ARB2A: variants seen among roughly 807,000 people sequenced by gnomAD.
ARB2A encodes ARB2 cotranscriptional regulator A, also known as cotranscriptional regulator ARB2A.
At chr5:93,844,542 A>G in the ARB2A span, among the ~76,000 whole-genome samples, 1 of 152,232 alleles carries the variant, frequency 6.6e-6, no homozygotes, top group African/African-American at 2.4e-5. Context: ...GCAGAAAGTA[A>G]AAAAATTTGT....
At chr5:93,887,580 A>C in the ARB2A span, among the ~76,000 whole-genome samples, 6 of 151,912 alleles carry the variant, frequency 3.9e-5, no homozygotes, top group South Asian at 2.1e-4. Context: ...CAAACAAAAA[A>C]CTTACAATAA....
At chr5:93,891,444 T>C in the ARB2A span, among the ~76,000 whole-genome samples, 1 of 152,042 alleles carries the variant, frequency 6.6e-6, no homozygotes, top group African/African-American at 2.4e-5. Context: ...AAAGACCATC[T>C]TCCAGGCTCC....
chr5:94,042,314 CTTTTT>C, the ARB2A span, among the ~76,000 whole-genome samples: 5 of 103,066 alleles, frequency 4.9e-5, no homozygotes, highest in Non-Finnish European at 7.7e-5. Context: ...AAAAGATCAG[CTTTTT>C]TTTTTTTTTT....
At chr5:93,662,840 A>G in the ARB2A span, among the ~76,000 whole-genome samples, 1 of 152,232 alleles carries the variant, frequency 6.6e-6, no homozygotes, top group African/African-American at 2.4e-5. Context: ...AAAATAGCTG[A>G]GACTGAGTAA....
chr5:93,890,431 T>C, the ARB2A span, among the ~76,000 whole-genome samples: 1 of 151,802 alleles, frequency 6.6e-6, no homozygotes, highest in Non-Finnish European at 1.5e-5. Flanking sequence ...TAATCTATCA[T>C]GGGCAAAAAT....
chr5:93,640,076 A>AT, the ARB2A span, among the ~76,000 whole-genome samples: 1 of 151,428 alleles, frequency 6.6e-6, no homozygotes, highest in Admixed American at 6.6e-5. Context: ...AAAAAAAAAA[A>AT]AAAAAAAAAA....
the ARB2A span, among the ~76,000 whole-genome samples, chr5:93,872,442 AT>A: frequency 6.6e-6 from 1 of 152,144 alleles, no homozygotes; most frequent in Non-Finnish European, 1.5e-5. Context: ...ACCATATCAT[AT>A]TTATGACAGA....
chr5:93,716,214 T>TATAA, the ARB2A span, among the ~76,000 whole-genome samples: 1 of 152,206 alleles, frequency 6.6e-6, no homozygotes, highest in Non-Finnish European at 1.5e-5. Context: ...ATTAGCCACG[T>TATAA]ATAAATCTTG....
the ARB2A span, among the ~76,000 whole-genome samples, chr5:93,957,706 A>G: frequency 1.3e-5 from 2 of 152,086 alleles, no homozygotes; most frequent in South Asian, 4.1e-4. Context: ...AAATCTATTA[A>G]CCAAAATGTT....
chr5:94,105,322 T>A, the ARB2A span, among the ~76,000 whole-genome samples: 1 of 151,898 alleles, frequency 6.6e-6, no homozygotes, highest in Non-Finnish European at 1.5e-5. Context: ...GTCAAAAAAA[T>A]CAGTAGCATT....
chr5:94,028,199 A>G, the ARB2A span, among the ~76,000 whole-genome samples: 2 of 152,194 alleles, frequency 1.3e-5, no homozygotes, highest in African/African-American at 2.4e-5. Flanking sequence ...CTACAAACAC[A>G]ACCCTGAGAA....
the ARB2A span, among the ~76,000 whole-genome samples, chr5:93,676,680 T>C: frequency 6.6e-6 from 1 of 152,188 alleles, no homozygotes; most frequent in Non-Finnish European, 1.5e-5. Flanking sequence ...TTTTCAACTC[T>C]CTAGTTCACA....
At chr5:93,868,156 C>T in the ARB2A span, among the ~76,000 whole-genome samples, 1 of 151,890 alleles carries the variant, frequency 6.6e-6, no homozygotes, top group Non-Finnish European at 1.5e-5. Flanking sequence ...TTCATCTATA[C>T]AAAAAATAAA....
the ARB2A span, among the ~76,000 whole-genome samples, chr5:94,088,452 G>A: frequency 3.3e-5 from 5 of 152,242 alleles, no homozygotes; most frequent in East Asian, 7.7e-4. Context: ...AGGCCAAGGC[G>A]GGAGGATTGC....
the ARB2A span, chr5:93,619,961 T>C: frequency 2.2e-4 from 33 of 152,284 alleles, no homozygotes; most frequent in African/African-American, 7.7e-4. Flanking sequence ...AAAGGTTTCG[T>C]TTCCTGATGA....
chr5:93,866,149 T>C, the ARB2A span: 65 of 985,456 alleles, frequency 6.6e-5, no homozygotes, highest in South Asian at 1.3e-3. Context: ...CAATCTTCAA[T>C]TGGCCTTTCT....
At chr5:93,622,025 T>A in the ARB2A span, among the ~76,000 whole-genome samples, 2 of 152,250 alleles carry the variant, frequency 1.3e-5, no homozygotes, top group African/African-American at 4.8e-5. Flanking sequence ...GTACAGCATG[T>A]TTTCAAATCA....
At chr5:93,794,415 T>C in the ARB2A span, among the ~76,000 whole-genome samples, 5 of 152,174 alleles carry the variant, frequency 3.3e-5, no homozygotes, top group African/African-American at 9.7e-5. Flanking sequence ...CTGAATTCTT[T>C]TTCTGGTAAT....
chr5:93,934,380 AAC>A, the ARB2A span, among the ~76,000 whole-genome samples: 3 of 152,194 alleles, frequency 2.0e-5, no homozygotes, highest in Admixed American at 2.0e-4. Flanking sequence ...AAACATTACT[AAC>A]ACAGGTAGTT....
Sources: allele counts gnomAD v4.1 joint callset (sites outside exome capture counted in the v4.1 genomes callset), GRCh38; gene constraint gnomAD v4.1.1; transcripts MANE v1.5; gene names NCBI Gene and HGNC (gene_info 2026-07-23, HGNC 2026-07-21).